Variants in RTTN observed in about 807,000 individuals in gnomAD.
RTTN encodes rotatin.
In RTTN, 182 loss-of-function variants were observed where a neutral mutation model predicts 269.2. That is an observed-to-expected ratio of 0.68 (90% CI 0.60 to 0.76). The LOEUF (loss-of-function observed/expected upper bound fraction) is 0.76. Ranked by LOEUF, RTTN falls within the 30% of genes least tolerant of loss-of-function variation. The pLI, the probability that RTTN is intolerant of heterozygous loss-of-function variation, is 0.00. For missense variants in RTTN, 2,545 were observed against 2,608.6 expected (o/e 0.98, Z 0.53); for synonymous variants, 1,006 against 963.5 (o/e 1.04, Z -0.82).
chr18:70,140,020 C>A, intron 20 of RTTN, 80 bp downstream of exon 20: 1 of 953,762 alleles, frequency 1.0e-6, no homozygotes, highest in Admixed American at 2.2e-5. Context: ...AGTACTCATC[C>A]AAATTCTGCT....
At chr18:70,008,544 G>T (rs2056268328) in intron 46 of RTTN, 2 of 151,988 alleles carry the variant, frequency 1.3e-5, no homozygotes, top group Non-Finnish European at 2.9e-5. Context: ...AGAATAACCA[G>T]TTTAAAGAAG....
At chr18:70,090,000 A>T (rs1007993569) in intron 30 of RTTN, among the ~76,000 whole-genome samples, 2 of 152,210 alleles carry the variant, frequency 1.3e-5, no homozygotes, top group Non-Finnish European at 2.9e-5. Context: ...GAGAACATGG[A>T]GGGTGTGGCT....
intron 43 of RTTN, among the ~76,000 whole-genome samples, chr18:70,026,806 T>C (rs1400840247): frequency 2.6e-5 from 4 of 152,136 alleles, no homozygotes; most frequent in African/African-American, 9.7e-5. Flanking sequence ...ACAAACACCA[T>C]CTACACATTG....
chr18:70,057,418 C>G (rs1211262622), intron 37 of RTTN, among the ~76,000 whole-genome samples: 1 of 152,154 alleles, frequency 6.6e-6, no homozygotes, highest in African/African-American at 2.4e-5. Flanking sequence ...CCTAAAATCA[C>G]AGAAGCAGGA....
chr18:70,012,054 G>T (rs568960694), intron 46 of RTTN, among the ~76,000 whole-genome samples: 131 of 145,350 alleles, frequency 9.0e-4, no homozygotes, highest in Middle Eastern at 7.7e-3. Flanking sequence ...TGGTTACAGG[G>T]CAGCGTCTGC....
At chr18:70,145,828 T>C (rs1159269676) in intron 17 of RTTN, 45 bp from the exon 18 acceptor site, 1 of 1,493,526 alleles carries the variant, frequency 6.7e-7, no homozygotes, top group Non-Finnish European at 9.1e-7. Context: ...GATATGCAAA[T>C]GTCTATTTTA....
intron 9 of RTTN, among the ~76,000 whole-genome samples, chr18:70,190,184 T>C (rs2061637320): frequency 6.6e-6 from 1 of 151,860 alleles, no homozygotes; most frequent in East Asian, 1.9e-4. Context: ...TTGCTGAATG[T>C]TGTCACTGCT....
chr18:70,104,919 T>G (rs1415221607), intron 28 of RTTN, among the ~76,000 whole-genome samples: 3 of 152,144 alleles, frequency 2.0e-5, no homozygotes, highest in Admixed American at 6.5e-5. Context: ...CTGGGAAGTG[T>G]CTCCCAGTTA....
At position 70,128,015 on chromosome 18, in the gene RTTN, C is replaced by T. The variant is rs73966803; in HGVS notation, c.3144-274G>A. ...GAATATTAAGATATTCAAAAGTAAT[C>T]ACCATCACACTAATGATAACACTCA... On this transcript the variant is annotated intron_variant, in intron 24 of 48. Coordinates refer to ENST00000640769, the MANE Select transcript of RTTN (RefSeq NM_173630.4). 5,533 of 449,298 alleles carry T rather than the reference C, an allele frequency of 0.012. 294 individuals carry two copies. The highest frequency in any genetic ancestry group is 0.099 in the African/African-American group (5,017 of 50,918). The allele number at this position is 449,298 out of a possible 1,614,324, so 27.8% of individuals were successfully genotyped here.
rs75025120 is a variant in RTTN at position 70,057,351 on chromosome 18, T to C, written c.5031+391A>G. Among the ~76,000 whole-genome samples, 1,456 of 152,308 alleles carry C rather than the reference T, an allele frequency of 9.6e-3. 21 individuals are homozygous for C. The highest frequency in any genetic ancestry group is 0.033 in the African/African-American group (1,386 of 41,550). On this transcript the variant is annotated intron_variant, in intron 37 of 48. Transcript: ENST00000640769. Reference sequence around the variant, plus strand: ...TCAAATTGGGTTTTGAAAATACACATAACTTAGCCACCAAATATTTTAACA... The same window carrying C: ...TCAAATTGGGTTTTGAAAATACACACAACTTAGCCACCAAATATTTTAACA...
chr18:70,203,995 G>T, intron 3 of RTTN, 91 bp downstream of exon 3: 1 of 1,034,828 alleles, frequency 9.7e-7, no homozygotes, highest in Non-Finnish European at 1.4e-6. Context: ...GGAGGTGGGA[G>T]AAATCCTTTT....
At chr18:70,132,681 C>T (rs1031809624) in intron 23 of RTTN, among the ~76,000 whole-genome samples, 8 of 151,894 alleles carry the variant, frequency 5.3e-5, no homozygotes, top group Non-Finnish European at 8.8e-5. Flanking sequence ...AATGAAAGGG[C>T]GGCTAATAAT....
chr18:70,088,525 T>C (rs926292304), intron 30 of RTTN, among the ~76,000 whole-genome samples: 22 of 152,224 alleles, frequency 1.4e-4, no homozygotes, highest in African/African-American at 5.3e-4. Flanking sequence ...TTATTGTTTC[T>C]TCCAAATAAA....
intron 9 of RTTN, among the ~76,000 whole-genome samples, chr18:70,189,299 G>A (rs1254195869): frequency 1.3e-5 from 2 of 152,088 alleles, no homozygotes; most frequent in East Asian, 1.9e-4. Context: ...GTTTTCCTCA[G>A]GATAAAAACA....
chr18:70,019,166 G>A (rs548375877), intron 45 of RTTN: 6 of 152,268 alleles, frequency 3.9e-5, no homozygotes, highest in African/African-American at 1.4e-4. Flanking sequence ...CTTAAGTATA[G>A]CACCAGAATA....
At chr18:70,204,555 A>ACCTTATGGTCCCAGTGGGAC (rs1339211989) in intron 2 of RTTN, among the ~76,000 whole-genome samples, 1 of 152,138 alleles carries the variant, frequency 6.6e-6, no homozygotes, top group Non-Finnish European at 1.5e-5. Context: ...TTTTCCACTG[A>ACCTTATGGTCCCAGTGGGAC]CACTCACCTT....
At chr18:70,176,009 G>A (rs888291353) in intron 11 of RTTN, among the ~76,000 whole-genome samples, 1 of 152,054 alleles carries the variant, frequency 6.6e-6, no homozygotes, top group Non-Finnish European at 1.5e-5. Context: ...GATAAGATCA[G>A]TAGGCTTTCA....
At chr18:70,079,354 C>G (rs2058506178) in intron 32 of RTTN, among the ~76,000 whole-genome samples, 2 of 151,922 alleles carry the variant, frequency 1.3e-5, no homozygotes, top group Non-Finnish European at 1.5e-5. Flanking sequence ...TTTAACTAAG[C>G]ATTAAGCCTG....
At chr18:70,148,866 A>G (rs1265311798) in intron 17 of RTTN, 35 bp downstream of exon 17, 5 of 1,609,830 alleles carry the variant, frequency 3.1e-6, no homozygotes, top group African/African-American at 1.3e-5. Context: ...TGTTTCCATC[A>G]ATCTTTGACG....
Sources: gnomAD v4.1 joint callset for allele counts (sites outside exome capture counted in the v4.1 genomes callset) on GRCh38, gnomAD v4.1.1 for gene constraint, MANE v1.5 for transcripts, NCBI Gene and HGNC (gene_info 2026-07-23, HGNC 2026-07-21) for gene names.